Variants in MSL2 observed in about 807,000 individuals in gnomAD.
The protein encoded by MSL2 is MSL complex subunit 2.
In MSL2, 2 loss-of-function variants were observed where a neutral mutation model predicts 35.8. The ratio of observed to expected loss-of-function variants is 0.06; its 90% CI spans 0.02 to 0.18. The LOEUF is 0.18. MSL2 is among the 10% of genes least tolerant of loss of function. The pLI, the probability that MSL2 is intolerant of heterozygous loss-of-function variation, is 1.00. For synonymous variants in MSL2, 296 were observed against 255.7 expected (o/e 1.16, Z -1.50); for missense variants, 523 against 706.7 (o/e 0.74, Z 2.95).
intron 1 of MSL2, among the ~76,000 whole-genome samples, chr3:136,165,698 A>C (rs533946570): frequency 6.6e-6 from 1 of 152,298 alleles, no homozygotes; most frequent in South Asian, 2.1e-4. Flanking sequence ...TCACCTACTC[A>C]TCTTCTGTTC....
intron 1 of MSL2, among the ~76,000 whole-genome samples, chr3:136,180,907 G>A (rs1261523459): frequency 1.3e-5 from 2 of 151,502 alleles, no homozygotes; most frequent in East Asian, 1.9e-4. Flanking sequence ...ACTTTGCGGG[G>A]CGGGGGAGCA....
intron 1 of MSL2, among the ~76,000 whole-genome samples, chr3:136,173,224 A>G (rs1362120702): frequency 1.3e-5 from 2 of 152,216 alleles, no homozygotes; most frequent in East Asian, 1.9e-4. Flanking sequence ...GTGATTGCCC[A>G]TAAAGCTGTT....
At position 136,195,146 on chromosome 3, in the gene MSL2, G is replaced by GA; in HGVS notation, c.-34dup. ...ACTTCGACACCAATGGCTCCCGGTT[G>GA]AAAAGAAATTCCGGATCCAACTTAG... On this transcript the variant is annotated 5_prime_UTR_variant, in exon 1 of 2. Coordinates refer to ENST00000309993, the MANE Select transcript of MSL2 (RefSeq NM_018133.4). 6.4e-7 allele frequency: 1 copy of GA among 1,567,896 alleles called. No individual in the cohort carries two copies. Among genetic ancestry groups the GA allele is most frequent in the South Asian group, 1.2e-5 (1 of 85,524 alleles).
chr3:136,175,927 G>A (rs182043981), intron 1 of MSL2, among the ~76,000 whole-genome samples: 4 of 152,084 alleles, frequency 2.6e-5, no homozygotes, highest in African/African-American at 7.2e-5. Context: ...ACTTAGCAAG[G>A]CATTCTCAAA....
chr3:136,179,150 C>T (rs1940267687), intron 1 of MSL2, among the ~76,000 whole-genome samples: 1 of 151,784 alleles, frequency 6.6e-6, no homozygotes, highest in African/African-American at 2.4e-5. Flanking sequence ...GGTCATAAAC[C>T]TTGTGTTCAA....
rs904472926 is a variant in MSL2, at chr3:136,184,274, C to G, written c.142+10698G>C. On this transcript the variant is annotated intron_variant, in intron 1 of 1. Coordinates refer to ENST00000309993, the MANE Select transcript of MSL2 (RefSeq NM_018133.4). ...TGGTGCCACTGCACTTTAACCTGAA[C>G]GACAGAGTGAGACTCCGTCTGAAAA... Among the ~76,000 whole-genome samples, 8 of 151,624 alleles carry G rather than the reference C, an allele frequency of 5.3e-5. No individual in the cohort carries two copies. The East Asian group carries it at 5.8e-4, about 11-fold the overall frequency.
At chr3:136,178,140 G>A (rs1940235013) in intron 1 of MSL2, among the ~76,000 whole-genome samples, 1 of 152,094 alleles carries the variant, frequency 6.6e-6, no homozygotes, top group Admixed American at 6.6e-5. Context: ...TTCATATTCT[G>A]GTAAGAACTA....
chr3:136,180,939 G>C (rs1940340033), intron 1 of MSL2, among the ~76,000 whole-genome samples: 1 of 151,486 alleles, frequency 6.6e-6, no homozygotes, highest in Non-Finnish European at 1.5e-5. Flanking sequence ...ATCATCTGAG[G>C]TCAGAAGTTC....
intron 1 of MSL2, among the ~76,000 whole-genome samples, chr3:136,173,501 C>T (rs1336386803): frequency 6.6e-6 from 1 of 152,162 alleles, no homozygotes; most frequent in Non-Finnish European, 1.5e-5. Context: ...CTTGAAACCA[C>T]CCAGACTCTT....
At chr3:136,175,624 C>T (rs887510864) in intron 1 of MSL2, among the ~76,000 whole-genome samples, 12 of 152,046 alleles carry the variant, frequency 7.9e-5, no homozygotes, top group African/African-American at 2.7e-4. Context: ...GAGTTCGAGG[C>T]TGCAAGTGAG....
intron 1 of MSL2, among the ~76,000 whole-genome samples, chr3:136,160,229 T>C (rs147279860): frequency 0.013 from 1,738 of 134,880 alleles, 36 homozygotes; most frequent in African/African-American, 0.047. Context: ...TGAGCCAAGA[T>C]GGTGCCAATG....
chr3:136,176,161 T>C (rs1488077000), intron 1 of MSL2, among the ~76,000 whole-genome samples: 1 of 152,212 alleles, frequency 6.6e-6, no homozygotes, highest in African/African-American at 2.4e-5. Context: ...TAAAACTATA[T>C]TCTTTGCCCA....
intron 1 of MSL2, chr3:136,153,100 T>C: frequency 1.0e-6 from 1 of 963,186 alleles, no homozygotes; most frequent in Non-Finnish European, 1.2e-6. Flanking sequence ...GATAGCCAGG[T>C]GTGGTGGTGT....
At chr3:136,180,325 G>A (rs1576371158) in intron 1 of MSL2, among the ~76,000 whole-genome samples, 1 of 151,966 alleles carries the variant, frequency 6.6e-6, no homozygotes. Flanking sequence ...ACAGTCTCTG[G>A]TCTCCAAAAA....
intron 1 of MSL2, among the ~76,000 whole-genome samples, chr3:136,174,216 C>A (rs1489982085): frequency 6.6e-6 from 1 of 152,128 alleles, no homozygotes; most frequent in Non-Finnish European, 1.5e-5. Flanking sequence ...ATGAATTAAT[C>A]ATAAAAAGAA....
At chr3:136,175,860 G>A (rs2108080718) in intron 1 of MSL2, among the ~76,000 whole-genome samples, 1 of 151,958 alleles carries the variant, frequency 6.6e-6, no homozygotes, top group African/African-American at 2.4e-5. Context: ...TAATTCCTGG[G>A]ACCCAGCTAT....
chr3:136,193,918 A>G (rs1940760634), intron 1 of MSL2, among the ~76,000 whole-genome samples: 5 of 152,180 alleles, frequency 3.3e-5, no homozygotes, highest in Non-Finnish European at 7.3e-5. Context: ...TTGCTTCAGG[A>G]TCTAGATAGA....
chr3:136,170,994 T>C (rs1182272248), intron 1 of MSL2, among the ~76,000 whole-genome samples: 1 of 152,222 alleles, frequency 6.6e-6, no homozygotes, highest in Non-Finnish European at 1.5e-5. Flanking sequence ...AGTATTCTAC[T>C]TTCTGTTCCA....
chr3:136,182,785 C>T (rs1940406483), intron 1 of MSL2, among the ~76,000 whole-genome samples: 1 of 151,840 alleles, frequency 6.6e-6, no homozygotes, highest in Admixed American at 6.6e-5. Context: ...CAGCTCAGTA[C>T]TGATTAATTA....
Sources: allele counts gnomAD v4.1 joint callset (sites outside exome capture counted in the v4.1 genomes callset), GRCh38; gene constraint gnomAD v4.1.1; transcripts MANE v1.5; gene names NCBI Gene and HGNC (gene_info 2026-07-23, HGNC 2026-07-21).